Variants in RANBP2 observed in about 807,000 individuals in gnomAD.
RANBP2 encodes RAN binding protein 2.
Under a neutral mutation model 303.6 loss-of-function variants are expected in RANBP2, and 57 were observed. That is an observed-to-expected ratio of 0.19 (90% CI 0.15 to 0.23). The LOEUF (loss-of-function observed/expected upper bound fraction) is 0.23. RANBP2 is among the 10% of genes least tolerant of loss of function. The probability of loss-of-function intolerance (pLI) is 1.00; values close to 1 mark genes in which losing one functional copy is unlikely to be tolerated. For synonymous variants in RANBP2, 1,167 were observed against 1,301.5 expected (o/e 0.90, Z 2.23); for missense variants, 3,138 against 3,780.8 (o/e 0.83, Z 4.46).
chr2:109,419,472 T>C, the RANBP2 span: 1 of 1,490,094 alleles, frequency 6.7e-7, no homozygotes, highest in Non-Finnish European at 9.1e-7. Flanking sequence ...AGCCTCATTT[T>C]GCTTTTCTCT....
the RANBP2 span, chr2:109,615,684 G>A: frequency 6.2e-7 from 1 of 1,614,042 alleles, no homozygotes; most frequent in Non-Finnish European, 8.5e-7. Flanking sequence ...AGCCCTGGAC[G>A]AGGGTGACGG....
the RANBP2 span, chr2:108,896,422 G>A: frequency 3.4e-4 from 53 of 157,046 alleles, no homozygotes; most frequent in Non-Finnish European, 6.7e-4. Context: ...GTCATCTCCC[G>A]CTTAGAACTT....
chr2:109,658,796 G>A, the RANBP2 span, among the ~76,000 whole-genome samples: 2 of 152,086 alleles, frequency 1.3e-5, no homozygotes, highest in East Asian at 3.9e-4. Context: ...GCCAGGCACG[G>A]TGGCTCACAC....
intron 23 of RANBP2, among the ~76,000 whole-genome samples, chr2:108,774,554 G>A (rs1175358667): frequency 2.0e-5 from 3 of 152,166 alleles, no homozygotes; most frequent in Admixed American, 6.5e-5. Flanking sequence ...AGACTTGGTT[G>A]TTGACTTGGT....
the RANBP2 span, among the ~76,000 whole-genome samples, chr2:109,519,835 G>T: frequency 6.6e-6 from 1 of 152,104 alleles, no homozygotes; most frequent in Non-Finnish European, 1.5e-5. Flanking sequence ...ATTACGAAAT[G>T]ATAGAGATGG....
the RANBP2 span, among the ~76,000 whole-genome samples, chr2:109,726,057 T>TGGGG: frequency 1.4e-4 from 10 of 70,212 alleles, no homozygotes; most frequent in South Asian, 1.8e-3. Flanking sequence ...TTTTTGCTTT[T>TGGGG]GGTGTGTGTG....
At chr2:109,639,264 A>C in the RANBP2 span, among the ~76,000 whole-genome samples, 1 of 152,192 alleles carries the variant, frequency 6.6e-6, no homozygotes, top group Non-Finnish European at 1.5e-5. Flanking sequence ...TGGAAAAGAG[A>C]ATTCCTCTAA....
At chr2:108,908,870 T>C in the RANBP2 span, among the ~76,000 whole-genome samples, 1 of 152,108 alleles carries the variant, frequency 6.6e-6, no homozygotes, top group African/African-American at 2.4e-5. Context: ...AGAGACAGGG[T>C]AATACAAAGA....
the RANBP2 span, among the ~76,000 whole-genome samples, chr2:109,209,372 A>G: frequency 6.6e-6 from 1 of 152,096 alleles, no homozygotes; most frequent in African/African-American, 2.4e-5. Flanking sequence ...GCTTCCTAGG[A>G]AGATGCCCTG....
Position 108,767,199 on chromosome 2 carries a change from C to T in RANBP2, c.6660C>T (p.Pro2220=), listed in dbSNP as rs1558926254. The change falls in exon 20 of 29, where the codon CCC becomes CCT. Residue 2220 remains proline (P), a synonymous_variant. Transcript: ENST00000283195. The part of the protein sequence containing the change: ...TIKPNPENTG[P]TLEWDNYDLR... ...AACCCAATCCTGAAAACACTGGGCC[C>T]ACATTAGAATGGGATAACTATGATT... 4 of 1,612,028 alleles carry T rather than the reference C, an allele frequency of 2.5e-6. No individual in the cohort carries two copies. The highest frequency in any genetic ancestry group is 1.7e-6 in the Non-Finnish European group (2 of 1,179,866).
chr2:109,331,675 T>C, the RANBP2 span, among the ~76,000 whole-genome samples: 1 of 152,200 alleles, frequency 6.6e-6, no homozygotes, highest in South Asian at 2.1e-4. Flanking sequence ...AAGGTAGAGA[T>C]GTTTTTATCT....
the RANBP2 span, among the ~76,000 whole-genome samples, chr2:109,600,495 G>C: frequency 7.3e-5 from 11 of 149,808 alleles, no homozygotes; most frequent in Admixed American, 7.3e-4. Flanking sequence ...CCCTCAAAAA[G>C]ACTGGACCTA....
the RANBP2 span, among the ~76,000 whole-genome samples, chr2:109,419,260 CG>C: frequency 6.6e-6 from 1 of 152,182 alleles, no homozygotes; most frequent in African/African-American, 2.4e-5. Flanking sequence ...GTCTGGAACA[CG>C]GCCTGACTAC....
At chr2:108,833,090 A>G in the RANBP2 span, among the ~76,000 whole-genome samples, 1 of 152,246 alleles carries the variant, frequency 6.6e-6, no homozygotes, top group Admixed American at 6.5e-5. Context: ...TAAAGAGATC[A>G]GTAGCTGCCA....
chr2:109,231,530 C>A, the RANBP2 span, among the ~76,000 whole-genome samples: 124 of 152,278 alleles, frequency 8.1e-4, no homozygotes, highest in African/African-American at 2.9e-3. Flanking sequence ...GTGCTCTGTT[C>A]ATAGATTTTT....
At chr2:109,499,008 CTG>C in the RANBP2 span, among the ~76,000 whole-genome samples, 1 of 152,178 alleles carries the variant, frequency 6.6e-6, no homozygotes, top group Admixed American at 6.5e-5. Context: ...GGCGTTTAGA[CTG>C]TGGCCCCTCC....
the RANBP2 span, among the ~76,000 whole-genome samples, chr2:109,239,000 C>T: frequency 6.6e-6 from 1 of 152,288 alleles, no homozygotes; most frequent in East Asian, 1.9e-4. Context: ...AGAGGAAAAG[C>T]TACTGGTAGA....
chr2:109,068,507 G>A, the RANBP2 span, among the ~76,000 whole-genome samples: 1 of 152,220 alleles, frequency 6.6e-6, no homozygotes, highest in African/African-American at 2.4e-5. Flanking sequence ...CCCAGTAAGT[G>A]GGGAACGAAC....
downstream of RANBP2, among the ~76,000 whole-genome samples, chr2:108,789,358 C>T (rs368319953): frequency 6.6e-6 from 1 of 152,052 alleles, no homozygotes; most frequent in African/African-American, 2.4e-5. Context: ...TTTGGGAGGC[C>T]GAGGCGGGTG....
Sources: allele counts gnomAD v4.1 joint callset (sites outside exome capture counted in the v4.1 genomes callset), GRCh38; gene constraint gnomAD v4.1.1; transcripts MANE v1.5; gene names NCBI Gene and HGNC (gene_info 2026-07-23, HGNC 2026-07-21).